Variants in SCN9A observed in about 807,000 individuals in gnomAD.
SCN9A encodes sodium channel protein type 9 subunit alpha.
In SCN9A, 131 loss-of-function variants were observed where a neutral mutation model predicts 187.0. That is an observed-to-expected ratio of 0.70 (90% confidence interval 0.61 to 0.81). The LOEUF is 0.81. Among genes scored for constraint, SCN9A ranks in the 30% least tolerant of loss-of-function variants. SCN9A has a pLI of 0.00. For missense variants in SCN9A, 2,252 were observed against 2,396.6 expected, an observed-to-expected ratio of 0.94 and a Z score of 1.26; for synonymous variants, 809 against 808.6, an observed-to-expected ratio of 1.00 and a Z score of -0.01.
chr2:166,354,358 T>G (rs1700105259), intron 1 of SCN9A, among the ~76,000 whole-genome samples: 1 of 151,884 alleles, frequency 6.6e-6, no homozygotes, highest in South Asian at 2.1e-4. Flanking sequence ...AGTAGCTTTT[T>G]TTTTCCCCAG....
rs201635502 is a variant in SCN9A, at chr2:166,196,409, A to T, written c.*2263T>A. 6.6e-6 allele frequency: 1 copy of T among 152,166 alleles called. No individual in the cohort carries two copies. The highest frequency in any genetic ancestry group is 1.5e-5 in the Non-Finnish European group (1 of 68,022). 9.4% of individuals were successfully genotyped at this position (152,166 alleles called of 1,614,324 possible). ...TAGGAAAAAGAACAACTTTATATAT[A>T]TTTTTGAAATGCTAAGAAGAAATTG... On this transcript the variant is annotated 3_prime_UTR_variant, in exon 27 of 27. Transcript: ENST00000642356.
In SCN9A at chr2:166,228,956, A is replaced by AT; in HGVS notation, c.3940_3941insA (p.Leu1314HisfsTer36). On this transcript the variant is annotated frameshift_variant, in exon 22 of 27. Transcript: ENST00000642356. LOFTEE classifies it high-confidence loss of function. ...CATGATGGAAGGAATTGCTCCTATG[A>AT]GTGCATTCACAACGACCTAGTATTC... 6.2e-7 allele frequency: 1 copy of AT among 1,613,138 alleles called. No individual in the cohort carries two copies. The highest frequency in any genetic ancestry group is 8.5e-7 in the Non-Finnish European group (1 of 1,179,190).
rs1064793264 is a variant in SCN9A, at chr2:166,277,042, C to T, written c.2815G>A (p.Ala939Thr). 8.7e-6 allele frequency: 14 copies of T among 1,613,898 alleles called. No individual in the cohort carries two copies. The highest frequency in any genetic ancestry group is 2.2e-5 in the South Asian group (2 of 91,086). The change falls in exon 16 of 27, where the codon GCT (alanine) becomes ACT (threonine). Residue 939 changes from alanine to threonine, a missense_variant. Physicochemically the swap from Ala to Thr is moderately conservative, Grantham distance 58. This residue lies in a region of SCN9A where 119 missense variants were observed against 188.7 expected (regional missense o/e 0.63). Coordinates refer to ENST00000642356, the MANE Select transcript of SCN9A (RefSeq NM_001365536.1). ...ACAATAAGGCACATAGCTTGACCAG[C>T]GACCTCCATACAGTCCCACATGGTC... ...IETMWDCMEVAGQAMCLIVYM... is the reference protein window; with the variant it reads ...IETMWDCMEVTGQAMCLIVYM...
intron 1 of SCN9A, among the ~76,000 whole-genome samples, chr2:166,342,890 A>C (rs1477089453): frequency 6.6e-6 from 1 of 152,218 alleles, no homozygotes; most frequent in African/African-American, 2.4e-5. Flanking sequence ...GCATACATCC[A>C]CCACCAAAGC....
intron 26 of SCN9A, among the ~76,000 whole-genome samples, chr2:166,202,352 AATTATAC>A (rs1162056189): frequency 2.0e-5 from 3 of 151,698 alleles, no homozygotes; most frequent in African/African-American, 7.2e-5. Flanking sequence ...GTAAATTGGT[AATTATAC>A]ATTAAAGTTT....
chr2:166,267,265 G>T (rs937857079), intron 17 of SCN9A, among the ~76,000 whole-genome samples: 5 of 151,878 alleles, frequency 3.3e-5, no homozygotes, highest in Non-Finnish European at 1.5e-5. Flanking sequence ...ATCAAATAAA[G>T]GATACTGGAT....
At chr2:166,202,811 T>A (rs182046129) in intron 26 of SCN9A, among the ~76,000 whole-genome samples, 2 of 151,928 alleles carry the variant, frequency 1.3e-5, no homozygotes, top group Non-Finnish European at 3.0e-5. Context: ...AATTTAAAAT[T>A]TGTACCTTTT....
chr2:166,368,853 G>A (rs915707450), intron 1 of SCN9A, among the ~76,000 whole-genome samples: 1 of 151,574 alleles, frequency 6.6e-6, no homozygotes, highest in African/African-American at 2.4e-5. Flanking sequence ...CAGGCGAGGT[G>A]GCTCATGCCT....
chr2:166,208,928 C>T (rs534710498), intron 24 of SCN9A, among the ~76,000 whole-genome samples: 60 of 152,282 alleles, frequency 3.9e-4, no homozygotes, highest in African/African-American at 1.4e-3. Context: ...CATCAAGATA[C>T]CACTTTCAAG....
rs1693275238 is a variant in SCN9A, at chr2:166,197,365, T to C, written c.*1307A>G. On this transcript the variant is annotated 3_prime_UTR_variant, in exon 27 of 27. Transcript: ENST00000642356. The stretch of plus-strand genomic sequence containing the variant: ...TTAGAAGCCCATGGTACTGTGTTGA[T>C]TGAGGCAAAATATATTTCACATCAT... 6.6e-6 allele frequency: 1 copy of C among 152,256 alleles called. No individual in the cohort carries two copies. The highest frequency in any genetic ancestry group is 1.9e-4 in the East Asian group (1 of 5,190). 9.4% of individuals were successfully genotyped at this position (152,256 alleles called of 1,614,324 possible).
At chr2:166,313,121 TATA>T (rs1224866437) in intron 1 of SCN9A, among the ~76,000 whole-genome samples, 3 of 149,616 alleles carry the variant, frequency 2.0e-5, no homozygotes, top group African/African-American at 4.9e-5. Context: ...TAGTAAATAA[TATA>T]ATTATTATGT....
chr2:166,301,672 A>G (rs1474323186), intron 7 of SCN9A: 1 of 150,958 alleles, frequency 6.6e-6, no homozygotes, highest in Non-Finnish European at 1.5e-5. Context: ...GAGAAAACTT[A>G]AGTTTAAATA....
chr2:166,350,573 A>G (rs1540871), intron 1 of SCN9A, among the ~76,000 whole-genome samples: 93,598 of 152,030 alleles, frequency 0.62, 29,201 homozygotes, highest in African/African-American at 0.73. Flanking sequence ...ATCACTTCCT[A>G]TTATTTATTT....
chr2:166,311,703 C>G lies in SCN9A; in HGVS notation c.54G>C (p.Gln18His), dbSNP rs1404773417. ...GPQSFVHFTK[Q>H]SLALIEQRIA... The stretch of plus-strand genomic sequence containing the variant: ...TGCGTTGTTCAATGAGGGCAAGAGA[C>G]TGTTTTGTGAAATGGACAAAGCTCT... Residue 18 changes from glutamine (Q) to histidine (H), a missense_variant, in exon 2 of 27, where the codon CAG becomes CAC. Gln to His is a conservative substitution (Grantham distance 24). Transcript: ENST00000642356. The G allele has an allele frequency of 6.2e-7, 1 of 1,612,536 alleles. No homozygotes were observed. The highest frequency in any genetic ancestry group is 1.7e-5 in the Admixed American group (1 of 59,970).
intron 19 of SCN9A, among the ~76,000 whole-genome samples, chr2:166,240,962 T>C (rs945974753): frequency 1.3e-5 from 2 of 152,106 alleles, no homozygotes; most frequent in Non-Finnish European, 2.9e-5. Flanking sequence ...TCATTCAGGC[T>C]CATATAATGC....
chr2:166,330,321 A>G (rs1418229162), intron 1 of SCN9A, among the ~76,000 whole-genome samples: 1 of 151,988 alleles, frequency 6.6e-6, no homozygotes, highest in Non-Finnish European at 1.5e-5. Context: ...TTTCATTCCC[A>G]TGCTTAGCAA....
chr2:166,217,384 C>G (rs1002623803), intron 24 of SCN9A, among the ~76,000 whole-genome samples: 7 of 151,994 alleles, frequency 4.6e-5, no homozygotes, highest in Non-Finnish European at 8.8e-5. Flanking sequence ...TAAAAATGTT[C>G]TTTACAGCAA....
chr2:166,340,552 TTCTTTC>T (rs1699747535), intron 1 of SCN9A, among the ~76,000 whole-genome samples: 3 of 71,472 alleles, frequency 4.2e-5, no homozygotes, highest in Non-Finnish European at 7.8e-5. Context: ...CTTTCTTTCT[TTCTTTC>T]TTTCTTTCTT....
At chr2:166,354,948 T>G (rs1472308589) in intron 1 of SCN9A, among the ~76,000 whole-genome samples, 3 of 143,962 alleles carry the variant, frequency 2.1e-5, no homozygotes, top group Non-Finnish European at 4.5e-5. Flanking sequence ...AAATTACTGA[T>G]TTTTTTTTTT....
Sources: gnomAD v4.1 joint callset for allele counts (sites outside exome capture counted in the v4.1 genomes callset) on GRCh38, gnomAD v4.1.1 for gene constraint, gnomAD v4.1.1 regional missense constraint, MANE v1.5 for transcripts, NCBI Gene and HGNC (gene_info 2026-07-23, HGNC 2026-07-21) for gene names.